Variants in ST13 observed in about 807,000 individuals in gnomAD.
ST13 encodes the protein ST13 Hsp70 interacting protein, also known as hsc70-interacting protein.
In ST13, 23 loss-of-function variants were observed where a neutral mutation model predicts 56.7. That is an observed-to-expected ratio of 0.41 (90% CI 0.29 to 0.57). The LOEUF is 0.57. ST13 is among the 20% of genes least tolerant of loss of function. The probability of loss-of-function intolerance (pLI) is 0.36; values close to 1 mark genes in which losing one functional copy is unlikely to be tolerated. For missense variants in ST13, 369 were observed against 459.9 expected (o/e 0.80, Z 1.81); for synonymous variants, 132 against 142.4 (o/e 0.93, Z 0.52).
intron 4 of ST13, among the ~76,000 whole-genome samples, chr22:40,843,490 A>G (rs748864513): frequency 6.0e-4 from 92 of 152,214 alleles, no homozygotes; most frequent in Non-Finnish European, 2.2e-4. Flanking sequence ...CTCCTGAAAC[A>G]GACCCACAAT....
chr22:40,856,582 G>A lies in ST13; in HGVS notation c.-42C>T, dbSNP rs1197904061. ...GCGAAACTGGGGGGGCTACGGCCCG[G>A]TTCCAGGCCCAGGCGCTGGCTCGGC... On this transcript the variant is annotated 5_prime_UTR_variant, in exon 1 of 12. Coordinates refer to ENST00000216218, the MANE Select transcript of ST13 (RefSeq NM_003932.5). 1.9e-6 allele frequency: 3 copies of A among 1,552,266 alleles called. No individual in the cohort carries two copies. The highest frequency in any genetic ancestry group is 1.4e-5 in the African/African-American group (1 of 73,662).
Position 40,830,850 on chromosome 22 carries a change from C to G in ST13, c.788G>C (p.Arg263Thr). 6.2e-7 allele frequency: 1 copy of G among 1,604,826 alleles called. No homozygotes were observed. The highest frequency in any genetic ancestry group is 1.1e-5 in the South Asian group (1 of 89,816). The change falls in exon 9 of 12, where the codon AGA becomes ACA. Residue 263 changes from arginine to threonine, a missense_variant. Coordinates refer to ENST00000216218, the MANE Select transcript of ST13 (RefSeq NM_003932.5). ...CTATAGGAAATTTACCCTCTGGGCT[C>G]TCTCATGCTCTTCTCGAGCCTTCTT... is the stretch of plus-strand genomic sequence containing the variant. The part of the protein sequence containing the change: ...RVKKAREEHE[R>T]AQREEEARRQ...
At chr22:40,856,288 G>A in intron 1 of ST13, 143 bp downstream of exon 1, 1 of 705,682 alleles carries the variant, frequency 1.4e-6, no homozygotes, top group Non-Finnish European at 2.5e-6. Context: ...GATCTTCCAT[G>A]ACCCCTCGAA....
chr22:40,845,059 G>T, intron 3 of ST13, 150 bp from the exon 4 acceptor site: 2 of 588,548 alleles, frequency 3.4e-6, no homozygotes, highest in South Asian at 4.8e-5. Context: ...TAAACATTTC[G>T]TTACTTTGGT....
intron 2 of ST13, 109 bp from the exon 3 acceptor site, chr22:40,848,478 G>A (rs950390548): frequency 2.6e-5 from 20 of 774,844 alleles, no homozygotes; most frequent in Non-Finnish European, 3.7e-5. Context: ...CAGGCATGGC[G>A]GCTCATGCCT....
chr22:40,845,135 G>A (rs1004683334), intron 3 of ST13, among the ~76,000 whole-genome samples: 1 of 152,168 alleles, frequency 6.6e-6, no homozygotes, highest in Non-Finnish European at 1.5e-5. Context: ...TAGTGGGGTT[G>A]TTGACATGTG....
At chr22:40,835,387 TCTTTTAC>T (rs962323514) in intron 7 of ST13, 166 bp downstream of exon 7, 9 of 482,376 alleles carry the variant, frequency 1.9e-5, no homozygotes, top group African/African-American at 1.8e-4. Context: ...CTTTTTTTTT[TCTTTTAC>T]CTTTTAAGCA....
chr22:40,847,548 CAAAAAAAGAAAAAAAAAA>C lies in ST13; in HGVS notation c.244+728_244+745del, dbSNP rs924402638. ...TGGGCGACACAGTGAGACTCCGTCT[CAAAAAAAGAAAAAAAAAA>C]AAAAAAAGAAAACTTTTTAAGTATG... On this transcript the variant is annotated intron_variant, in intron 3 of 11. Coordinates refer to ENST00000216218, the MANE Select transcript of ST13 (RefSeq NM_003932.5). Among the ~76,000 whole-genome samples the C allele has an allele frequency of 3.8e-3, 288 of 75,760 alleles. 1 individual carries two copies. Among genetic ancestry groups the C allele is most frequent in the Middle Eastern group, 0.016 (2 of 124 alleles). 49.7% of individuals were successfully genotyped at this position (75,760 alleles called of 152,430 possible). A position where few individuals can be genotyped will look rare whatever the true frequency, so the allele number is the denominator to read the frequency against.
At chr22:40,833,577 A>C (rs1489497276) in intron 7 of ST13, among the ~76,000 whole-genome samples, 2 of 146,322 alleles carry the variant, frequency 1.4e-5, no homozygotes, top group South Asian at 4.4e-4. Flanking sequence ...AAAAAAAAAA[A>C]AAAAGAAATA....
At chr22:40,845,791 G>C (rs2057828085) in intron 3 of ST13, among the ~76,000 whole-genome samples, 1 of 151,390 alleles carries the variant, frequency 6.6e-6, no homozygotes, top group African/African-American at 2.4e-5. Flanking sequence ...AATTTGATAA[G>C]AAGTTTCCTT....
intron 1 of ST13, among the ~76,000 whole-genome samples, chr22:40,851,412 T>A (rs1002834829): frequency 2.0e-5 from 3 of 152,346 alleles, no homozygotes; most frequent in African/African-American, 7.2e-5. Flanking sequence ...ATTTTCTCCT[T>A]ATACACCCCT....
Position 40,824,631 on chromosome 22 carries a change from G to GT in ST13, c.*1906dup, listed in dbSNP as rs1568996887. 1 of 152,094 alleles carries GT rather than the reference G, an allele frequency of 6.6e-6. No individual in the cohort carries two copies. Among genetic ancestry groups the GT allele is most frequent in the Non-Finnish European group, 1.5e-5 (1 of 68,026 alleles). The allele number at this position is 152,094 out of a possible 1,614,324, so 9.4% of individuals were successfully genotyped here. A position where few individuals can be genotyped will look rare whatever the true frequency, so the allele number is the denominator to read the frequency against. ...GGAATTTTACTTTTACCCACTTATG[G>GT]TAATATTTGCAATATTAGAATATAA... On this transcript the variant is annotated 3_prime_UTR_variant, in exon 12 of 12. Coordinates refer to ENST00000216218, the MANE Select transcript of ST13 (RefSeq NM_003932.5).
At position 40,856,423 on chromosome 22, in the gene ST13, G is replaced by C. The variant is rs371938865; in HGVS notation, c.110+8C>G. ...CCGCCCCCAACGGTCCTCAGGCCTG[G>C]GTCTCACCTCTCCACCCACTCCCTC... is the stretch of plus-strand genomic sequence containing the variant. On this transcript the variant is annotated splice_region_variant and intron_variant, in intron 1 of 11. Transcript: ENST00000216218. The C allele has an allele frequency of 5.1e-5, 82 of 1,610,496 alleles. No homozygotes were observed. The highest frequency in any genetic ancestry group is 6.5e-5 in the Non-Finnish European group (77 of 1,177,052).
At position 40,856,615 on chromosome 22, in the gene ST13, C is replaced by G; in HGVS notation, c.-75G>C. 1 of 1,214,042 alleles carries G rather than the reference C, an allele frequency of 8.2e-7. No homozygotes were observed. The highest frequency in any genetic ancestry group is 1.2e-6 in the Non-Finnish European group (1 of 825,280). The allele number at this position is 1,214,042 out of a possible 1,614,324, so 75.2% of individuals were successfully genotyped here. ...CCCAGGCGCTGGCTCGGCGTGACCGCGCAGAAGGGGGCGGCTGCCGCAAGA... is the reference window on the plus strand; with the variant it reads ...CCCAGGCGCTGGCTCGGCGTGACCGGGCAGAAGGGGGCGGCTGCCGCAAGA... On this transcript the variant is annotated 5_prime_UTR_variant, in exon 1 of 12. Transcript: ENST00000216218.
At chr22:40,849,010 G>C (rs886186806) in intron 2 of ST13, among the ~76,000 whole-genome samples, 3 of 152,206 alleles carry the variant, frequency 2.0e-5, no homozygotes, top group East Asian at 3.8e-4. Context: ...GTGGTTTCTT[G>C]TATATCCCAT....
chr22:40,849,170 CCT>C (rs1173091256), intron 2 of ST13, among the ~76,000 whole-genome samples: 1 of 152,116 alleles, frequency 6.6e-6, no homozygotes, highest in East Asian at 1.9e-4. Flanking sequence ...AGGTTGCTTC[CCT>C]GTTACTTAAA....
At chr22:40,835,445 A>G (rs991131110) in intron 7 of ST13, 115 bp downstream of exon 7, 3 of 851,458 alleles carry the variant, frequency 3.5e-6, no homozygotes, top group Non-Finnish European at 3.9e-6. Flanking sequence ...CTAAGTACAC[A>G]CTAATTTGAA....
chr22:40,853,552 A>C (rs912489874), intron 1 of ST13, among the ~76,000 whole-genome samples: 1 of 152,214 alleles, frequency 6.6e-6, no homozygotes, highest in Non-Finnish European at 1.5e-5. Flanking sequence ...TATGTTACAC[A>C]ATCAAGTAGG....
In ST13 at chr22:40,844,894, C is replaced by T. The variant is rs1444140773; in HGVS notation, c.260G>A (p.Gly87Asp). 2 of 1,613,138 alleles carry T rather than the reference C, an allele frequency of 1.2e-6. No individual in the cohort carries two copies. Among genetic ancestry groups the T allele is most frequent in the Non-Finnish European group, 8.5e-7 (1 of 1,179,512 alleles). Residue 87 changes from glycine (G) to aspartate (D), a missense_variant, in exon 4 of 12, where the codon GGT (glycine) becomes GAT (aspartate). This residue lies in a region of ST13 where 169 missense variants were observed against 175.6 expected (regional missense o/e 0.96). Coordinates refer to ENST00000216218, the MANE Select transcript of ST13 (RefSeq NM_003932.5). ...EESDLEIDKE[G>D]VIEPDTDAPQ... The stretch of plus-strand genomic sequence containing the variant: ...AGCATCAGTGTCTGGTTCAATCACA[C>T]CTTCTTTATCAATTTCTGCCAAAGT...
Sources: gnomAD v4.1 joint callset for allele counts (sites outside exome capture counted in the v4.1 genomes callset) on GRCh38, gnomAD v4.1.1 for gene constraint, gnomAD v4.1.1 regional missense constraint, MANE v1.5 for transcripts, NCBI Gene and HGNC (gene_info 2026-07-23, HGNC 2026-07-21) for gene names.